The following SLC44A5 variants were observed in gnomAD, a reference collection of about 807,000 sequenced individuals.
SLC44A5 encodes choline transporter-like protein 5.
SLC44A5 carries 57 observed loss-of-function variants against 101.8 expected under a neutral mutation model. The ratio of observed to expected loss-of-function variants is 0.56; its 90% CI spans 0.45 to 0.70. SLC44A5 has a LOEUF of 0.70. Ranked by LOEUF, SLC44A5 falls within the 30% of genes least tolerant of loss-of-function variation. The pLI, the probability that SLC44A5 is intolerant of heterozygous loss-of-function variation, is 0.00. For synonymous variants in SLC44A5, 281 were observed against 290.9 expected, an observed-to-expected ratio of 0.97 and a Z score of 0.35; for missense variants, 737 against 853.1, an observed-to-expected ratio of 0.86 and a Z score of 1.70.
At chr1:75,658,200 G>A in the SLC44A5 span, among the ~76,000 whole-genome samples, 3 of 151,878 alleles carry the variant, frequency 2.0e-5, no homozygotes, top group Non-Finnish European at 4.4e-5. Flanking sequence ...CAGCCTCAAA[G>A]GTAGCTGGGA....
intron 7 of SLC44A5, among the ~76,000 whole-genome samples, chr1:75,244,574 T>G (rs1648943022): frequency 6.6e-6 from 1 of 152,044 alleles, no homozygotes; most frequent in Non-Finnish European, 1.5e-5. Flanking sequence ...CAAGGCTATT[T>G]GGCACAATCA....
chr1:75,338,786 C>G (rs79470100), intron 4 of SLC44A5, among the ~76,000 whole-genome samples: 5 of 152,128 alleles, frequency 3.3e-5, no homozygotes, highest in Non-Finnish European at 5.9e-5. Flanking sequence ...TAAATGCTAA[C>G]GTACATACTG....
chr1:75,671,911 CT>C, the SLC44A5 span, among the ~76,000 whole-genome samples: 1 of 152,030 alleles, frequency 6.6e-6, no homozygotes, highest in Non-Finnish European at 1.5e-5. Context: ...TTAATAATAC[CT>C]AATATGCGTT....
chr1:75,359,325 C>G (rs1316892902), intron 3 of SLC44A5, among the ~76,000 whole-genome samples: 1 of 149,522 alleles, frequency 6.7e-6, no homozygotes. Context: ...GCCTCCACCT[C>G]CTGATCTCAA....
At chr1:75,587,816 T>C (rs1293272149) in intron 1 of SLC44A5, among the ~76,000 whole-genome samples, 2 of 152,176 alleles carry the variant, frequency 1.3e-5, no homozygotes, top group East Asian at 3.9e-4. Context: ...CTAAATTGCA[T>C]TCCAAAGACC....
the SLC44A5 span, among the ~76,000 whole-genome samples, chr1:75,699,088 T>C: frequency 6.6e-6 from 1 of 152,066 alleles, no homozygotes; most frequent in South Asian, 2.1e-4. Context: ...TGAAGGATAT[T>C]ATCCAGGAGA....
rs1034855161 is a variant in SLC44A5 at position 75,311,232 on chromosome 1, T to C, written c.102-10547A>G. On this transcript the variant is annotated intron_variant, in intron 4 of 23. Transcript: ENST00000370859. The stretch of plus-strand genomic sequence containing the variant: ...CCCAGGTTCAAGCGATTCTCCTGCC[T>C]CAGCCTCCCGAGTAGCTGGGATTAC... Among the ~76,000 whole-genome samples the C allele has an allele frequency of 3.3e-5, 5 of 152,186 alleles. No individual in the cohort carries two copies. In the East Asian group the frequency reaches 9.7e-4, roughly 29 times the overall value.
At chr1:75,291,790 T>A (rs1653566288) in intron 5 of SLC44A5, among the ~76,000 whole-genome samples, 2 of 152,032 alleles carry the variant, frequency 1.3e-5, no homozygotes, top group South Asian at 4.2e-4. Flanking sequence ...GGCGGGTGGA[T>A]CACGAGTTCA....
rs188768803 is a variant in SLC44A5, at chr1:75,566,457, A to G, written c.-69-24941T>C. Among the ~76,000 whole-genome samples the G allele has an allele frequency of 2.6e-5, 4 of 152,352 alleles. No individual in the cohort carries two copies. The East Asian group carries it at 7.7e-4, about 29-fold the overall frequency. On this transcript the variant is annotated intron_variant, in intron 1 of 23. Coordinates refer to ENST00000370859, the MANE Select transcript of SLC44A5 (RefSeq NM_001130058.2). ...CAATTTTAAGCATTCCTTCAAAAAT[A>G]CCACACAGGCCCAAAGCTTCAGTAC... is the stretch of plus-strand genomic sequence containing the variant.
chr1:75,555,449 C>T (rs889889036), intron 1 of SLC44A5, among the ~76,000 whole-genome samples: 2 of 130,970 alleles, frequency 1.5e-5, no homozygotes, highest in Non-Finnish European at 3.6e-5. Flanking sequence ...ACAAAATTGA[C>T]TAAAAAAAAG....
intron 2 of SLC44A5, among the ~76,000 whole-genome samples, chr1:75,540,203 G>T (rs1671283483): frequency 6.6e-6 from 1 of 152,060 alleles, no homozygotes; most frequent in South Asian, 2.1e-4. Flanking sequence ...TACTTCTCAG[G>T]CACTGTGCCA....
At chr1:75,718,378 C>G in the SLC44A5 span, among the ~76,000 whole-genome samples, 1 of 152,152 alleles carries the variant, frequency 6.6e-6, no homozygotes, top group Admixed American at 6.5e-5. Flanking sequence ...TAGCAAAGGC[C>G]TGTGAGCACC....
intron 2 of SLC44A5, among the ~76,000 whole-genome samples, chr1:75,480,422 G>T (rs1055026973): frequency 1.3e-5 from 2 of 152,186 alleles, no homozygotes; most frequent in African/African-American, 4.8e-5. Flanking sequence ...GCAGGAGAAG[G>T]AAATAAAGGG....
chr1:75,402,288 G>C (rs949309063), intron 2 of SLC44A5: 2 of 203,706 alleles, frequency 9.8e-6, no homozygotes, highest in Admixed American at 4.6e-5. Context: ...TTGGGGTAAA[G>C]AAGGATCCTG....
the SLC44A5 span, among the ~76,000 whole-genome samples, chr1:75,643,510 A>G: frequency 6.6e-6 from 1 of 152,284 alleles, no homozygotes; most frequent in Middle Eastern, 3.4e-3. Flanking sequence ...ATGTGTAAAT[A>G]CCTTTAGGTC....
chr1:75,251,402 C>A, intron 6 of SLC44A5, 108 bp from the exon 7 acceptor site: 1 of 788,214 alleles, frequency 1.3e-6, no homozygotes, highest in Non-Finnish European at 2.0e-6. Context: ...GTTTCATTAT[C>A]TACAGAGGCT....
chr1:75,291,683 G>A (rs1399883553), intron 5 of SLC44A5, among the ~76,000 whole-genome samples: 1 of 152,086 alleles, frequency 6.6e-6, no homozygotes, highest in Non-Finnish European at 1.5e-5. Context: ...GATGGGTACT[G>A]AGGACAGAAA....
intron 4 of SLC44A5, among the ~76,000 whole-genome samples, chr1:75,327,206 T>C (rs944054817): frequency 2.6e-5 from 4 of 152,134 alleles, no homozygotes; most frequent in Non-Finnish European, 2.9e-5. Flanking sequence ...AGAAATTGTT[T>C]CCTGAAGACA....
chr1:75,213,964 A>G lies in SLC44A5; in HGVS notation c.1828T>C (p.Tyr610His), dbSNP rs1318980024. 6.3e-7 allele frequency: 1 copy of G among 1,594,890 alleles called. No homozygotes were observed. The change falls in exon 21 of 24, where the codon TAC (tyrosine) becomes CAC (histidine). Residue 610 changes from tyrosine to histidine, a missense_variant. Around this residue, in one of 3 missense-constraint regions of SLC44A5, gnomAD observed 665 missense variants for 764.4 expected, o/e 0.87. Coordinates refer to ENST00000370859, the MANE Select transcript of SLC44A5 (RefSeq NM_001130058.2). ...AGTTTCCCCAGGAATAATACAAAGT[A>G]TGTAACTTCATCTGTAACTGCAACT... ...LKVAVTDEVT[Y>H]FVLFLGKLLV...
Sources: gnomAD v4.1 joint callset for allele counts (sites outside exome capture counted in the v4.1 genomes callset) on GRCh38, gnomAD v4.1.1 for gene constraint, gnomAD v4.1.1 regional missense constraint, MANE v1.5 for transcripts, NCBI Gene and HGNC (gene_info 2026-07-23, HGNC 2026-07-21) for gene names.